Variants in PCDH15 observed in about 807,000 individuals in gnomAD.
PCDH15 encodes the protein protocadherin related 15.
In PCDH15, 129 loss-of-function variants were observed where a neutral mutation model predicts 178.5. The ratio of observed to expected loss-of-function variants is 0.72; its 90% confidence interval spans 0.63 to 0.84. PCDH15 has a LOEUF of 0.84. Among genes scored for constraint, PCDH15 ranks in the 40% least tolerant of loss-of-function variants. The pLI is 0.00. For synonymous variants in PCDH15, 800 were observed against 732.0 expected (o/e 1.09, Z -1.50); for missense variants, 2,230 against 2,099.9 (o/e 1.06, Z -1.21).
intron 18 of PCDH15, among the ~76,000 whole-genome samples, chr10:54,059,941 G>A (rs886870684): frequency 3.3e-5 from 5 of 152,150 alleles, no homozygotes; most frequent in Non-Finnish European, 7.4e-5. Flanking sequence ...AGAGCTGTCA[G>A]TCTATCCAAT....
chr10:54,885,086 G>T (rs548450008), intron 3 of PCDH15, among the ~76,000 whole-genome samples: 1 of 152,052 alleles, frequency 6.6e-6, no homozygotes, highest in African/African-American at 2.4e-5. Context: ...TTAACTCACA[G>T]CTTTATTCCC....
intron 1 of PCDH15, among the ~76,000 whole-genome samples, chr10:55,210,618 CTTTTTTTT>C (rs11412877): frequency 5.0e-4 from 20 of 40,338 alleles, no homozygotes; most frequent in East Asian, 2.5e-3. Context: ...TTTTTCTTTT[CTTTTTTTT>C]TTTTTTTTTT....
chr10:54,514,195 A>G (rs2081981917), intron 3 of PCDH15, among the ~76,000 whole-genome samples: 1 of 152,238 alleles, frequency 6.6e-6, no homozygotes, highest in African/African-American at 2.4e-5. Flanking sequence ...TGAAGAAGGC[A>G]CATCTTTGTG....
Position 54,153,235 on chromosome 10 carries a change from A to C in PCDH15, c.1649T>G (p.Val550Gly), listed in dbSNP as rs61735482. Residue 550 changes from valine to glycine, a missense_variant, in exon 14 of 38, where the codon GTT becomes GGT. By Grantham distance (109) the Val-to-Gly change is moderately radical (BLOSUM62 -3). Transcript: ENST00000644397. ...SNGEITYEIL[V>G]GAQGDFIINK... is the part of the protein sequence containing the mutation. ...GATGATGAAGTCTCCCTGAGCCCCA[A>C]CAAGGATTTCATATGTGATCTCCCC... 267 of 1,613,748 alleles carry C rather than the reference A, an allele frequency of 1.7e-4. No individual in the cohort carries two copies. Among genetic ancestry groups the C allele is most frequent in the Non-Finnish European group, 2.2e-4 (261 of 1,179,880 alleles).
At chr10:54,404,756 A>C (rs1952412631) in intron 3 of PCDH15, among the ~76,000 whole-genome samples, 1 of 152,156 alleles carries the variant, frequency 6.6e-6, no homozygotes, top group Admixed American at 6.6e-5. Context: ...TATGCATTTG[A>C]CAAAGGTCTA....
intron 2 of PCDH15, among the ~76,000 whole-genome samples, chr10:55,022,064 G>A (rs1840344596): frequency 6.6e-6 from 1 of 152,048 alleles, no homozygotes; most frequent in East Asian, 1.9e-4. Context: ...GGAAGGTGTT[G>A]GTCAATGGAT....
intron 23 of PCDH15, among the ~76,000 whole-genome samples, chr10:53,954,694 G>A (rs2087440925): frequency 6.6e-6 from 1 of 152,082 alleles, no homozygotes; most frequent in South Asian, 2.1e-4. Context: ...GTTTGGCTTG[G>A]AATATGTAAT....
intron 2 of PCDH15, among the ~76,000 whole-genome samples, chr10:55,479,132 C>G (rs552026460): frequency 5.9e-4 from 89 of 151,392 alleles, no homozygotes; most frequent in African/African-American, 2.0e-3. Flanking sequence ...TTCTTCCAAA[C>G]CCATTATATG....
chr10:54,587,123 GGT>G (rs1279297965), intron 2 of PCDH15, among the ~76,000 whole-genome samples: 1 of 152,054 alleles, frequency 6.6e-6, no homozygotes, highest in Non-Finnish European at 1.5e-5. Context: ...GTAAATAACA[GGT>G]GTGCTTCATG....
At chr10:54,328,020 G>A (rs917077203) in intron 7 of PCDH15, among the ~76,000 whole-genome samples, 1 of 151,960 alleles carries the variant, frequency 6.6e-6, no homozygotes, top group African/African-American at 2.4e-5. Context: ...ATCACCGTTG[G>A]TGTTGTACAT....
chr10:54,450,084 A>G (rs917882730), intron 3 of PCDH15, among the ~76,000 whole-genome samples: 7 of 149,926 alleles, frequency 4.7e-5, no homozygotes, highest in Non-Finnish European at 1.0e-4. Context: ...CCATTTCCAC[A>G]TTTAGAAGCA....
chr10:54,896,689 C>T (rs1477731711), intron 3 of PCDH15, among the ~76,000 whole-genome samples: 5 of 152,070 alleles, frequency 3.3e-5, no homozygotes, highest in Admixed American at 2.0e-4. Context: ...GCACTTTCTT[C>T]CTTCCTTTTA....
intron 2 of PCDH15, among the ~76,000 whole-genome samples, chr10:54,983,107 A>C (rs1839281986): frequency 6.6e-6 from 1 of 152,162 alleles, no homozygotes; most frequent in Non-Finnish European, 1.5e-5. Context: ...AAACACAAAC[A>C]CTACCAATGA....
intron 2 of PCDH15, among the ~76,000 whole-genome samples, chr10:55,579,777 T>C (rs974541731): frequency 7.2e-5 from 11 of 152,214 alleles, no homozygotes; most frequent in African/African-American, 2.2e-4. Context: ...CATTCACTCA[T>C]AGATTACTTG....
chr10:54,208,888 T>C (rs1352503657), intron 10 of PCDH15, among the ~76,000 whole-genome samples: 3 of 152,186 alleles, frequency 2.0e-5, no homozygotes, highest in Non-Finnish European at 2.9e-5. Context: ...TGATGTTTTT[T>C]CTCTTGTCCT....
chr10:54,525,686 C>T (rs548009023), intron 3 of PCDH15, among the ~76,000 whole-genome samples: 1 of 152,224 alleles, frequency 6.6e-6, no homozygotes, highest in Non-Finnish European at 1.5e-5. Flanking sequence ...CTTGAACTCC[C>T]GAGCTCTAGC....
intron 2 of PCDH15, among the ~76,000 whole-genome samples, chr10:55,520,297 ATGTATATATATATATATACATGCAATG>A (rs1250641552): frequency 0.014 from 694 of 51,124 alleles, 83 homozygotes; most frequent in East Asian, 0.049. Flanking sequence ...TACACGCAAT[ATGTATATATATATATATACATGCAATG>A]TGTATATATA....
chr10:55,534,647 G>A (rs1272749443), intron 2 of PCDH15, among the ~76,000 whole-genome samples: 2 of 151,862 alleles, frequency 1.3e-5, no homozygotes, highest in Non-Finnish European at 2.9e-5. Context: ...CAGCCACTGT[G>A]GTAAGCAGCT....
chr10:55,492,942 G>T (rs765881470), intron 2 of PCDH15, among the ~76,000 whole-genome samples: 1 of 151,732 alleles, frequency 6.6e-6, no homozygotes, highest in Non-Finnish European at 1.5e-5. Context: ...TTCACTAGAT[G>T]TTGTTATCAG....
Sources: allele counts gnomAD v4.1 joint callset (sites outside exome capture counted in the v4.1 genomes callset), GRCh38; gene constraint gnomAD v4.1.1; transcripts MANE v1.5; gene names NCBI Gene and HGNC (gene_info 2026-07-23, HGNC 2026-07-21).